Variants in CLEC16A observed in about 807,000 individuals in gnomAD.
CLEC16A encodes the protein protein CLEC16A.
In CLEC16A, 51 loss-of-function variants were observed where a neutral mutation model predicts 109.5. That is an observed-to-expected ratio of 0.47 (90% CI 0.37 to 0.59). The LOEUF (loss-of-function observed/expected upper bound fraction) is 0.59, where lower values mean the gene tolerates loss of function less well. Among genes scored for constraint, CLEC16A ranks in the 20% least tolerant of loss-of-function variants. CLEC16A has a pLI of 0.00. For missense variants in CLEC16A, 1,339 were observed against 1,394.0 expected, an observed-to-expected ratio of 0.96 and a Z score of 0.63; for synonymous variants, 673 against 564.2, an observed-to-expected ratio of 1.19 and a Z score of -2.73.
chr16:11,087,128 C>G (rs2050054536), intron 19 of CLEC16A, among the ~76,000 whole-genome samples: 1 of 152,266 alleles, frequency 6.6e-6, no homozygotes, highest in Non-Finnish European at 1.5e-5. Flanking sequence ...CTCACAACAT[C>G]TGAAGCTAAA....
At chr16:11,112,541 T>C (rs2051669571) in intron 19 of CLEC16A, among the ~76,000 whole-genome samples, 1 of 149,952 alleles carries the variant, frequency 6.7e-6, no homozygotes, top group Non-Finnish European at 1.5e-5. Flanking sequence ...ATGGCACACC[T>C]GTAGTCCTAG....
chr16:10,986,422 A>G (rs2043659915), intron 10 of CLEC16A, among the ~76,000 whole-genome samples: 1 of 152,296 alleles, frequency 6.6e-6, no homozygotes, highest in South Asian at 2.1e-4. Flanking sequence ...TAGGCACAGC[A>G]TCATTCAGCA....
At chr16:11,007,459 C>A (rs2045097333) in intron 11 of CLEC16A, among the ~76,000 whole-genome samples, 1 of 152,192 alleles carries the variant, frequency 6.6e-6, no homozygotes, top group African/African-American at 2.4e-5. Context: ...GAGTTGAGAT[C>A]TGAATCCCAG....
In CLEC16A at chr16:11,021,368, C is replaced by G. The variant is rs138392415; in HGVS notation, c.1436+1043C>G. 1.4e-3 allele frequency among the ~76,000 whole-genome samples: 217 copies of G among 152,332 alleles called. 3 individuals are homozygous for G. The highest frequency in any genetic ancestry group is 5.0e-3 in the African/African-American group (207 of 41,576). The stretch of plus-strand genomic sequence containing the variant: ...AGCAAAAAATGTAACTCCCAAAGCT[C>G]TGAAAAATAAGTAATTCTAAACACA... On this transcript the variant is annotated intron_variant, in intron 12 of 23. Coordinates refer to ENST00000409790, the MANE Select transcript of CLEC16A (RefSeq NM_015226.3).
At chr16:11,123,599 T>C in intron 20 of CLEC16A, 143 bp from the exon 21 acceptor site, 1 of 765,518 alleles carries the variant, frequency 1.3e-6, no homozygotes, top group South Asian at 1.7e-5. Context: ...ATGACTCTGT[T>C]GGACTTGGGA....
At chr16:11,065,425 C>G (rs1265783870) in intron 19 of CLEC16A, among the ~76,000 whole-genome samples, 1 of 152,324 alleles carries the variant, frequency 6.6e-6, no homozygotes, top group Non-Finnish European at 1.5e-5. Context: ...AAAATCAATT[C>G]GTGAAGCCCA....
intron 22 of CLEC16A, among the ~76,000 whole-genome samples, chr16:11,163,049 C>T (rs2054781035): frequency 6.6e-6 from 1 of 152,226 alleles, no homozygotes; most frequent in Non-Finnish European, 1.5e-5. Context: ...TCTGGCTTGT[C>T]TGTGTGTTTG....
intron 22 of CLEC16A, among the ~76,000 whole-genome samples, chr16:11,144,028 A>T: frequency 6.6e-6 from 1 of 152,196 alleles, no homozygotes; most frequent in Non-Finnish European, 1.5e-5. Context: ...CCATTGGAGG[A>T]TAATTCTAAG....
At chr16:11,050,429 G>T (rs1339975955) in intron 17 of CLEC16A, among the ~76,000 whole-genome samples, 1 of 152,212 alleles carries the variant, frequency 6.6e-6, no homozygotes, top group Non-Finnish European at 1.5e-5. Context: ...GGGGAAAGTG[G>T]TATGTTTGAA....
chr16:10,949,011 C>T (rs1441233624), intron 1 of CLEC16A, among the ~76,000 whole-genome samples: 1 of 152,174 alleles, frequency 6.6e-6, no homozygotes, highest in East Asian at 1.9e-4. Context: ...ATCTGATTGG[C>T]CATTCCTCAC....
chr16:10,962,537 C>T lies in CLEC16A; in HGVS notation c.292C>T (p.Leu98=), dbSNP rs142663630. The change falls in exon 3 of 24, where the codon CTG becomes TTG. Residue 98 remains leucine, a synonymous_variant. Coordinates refer to ENST00000409790, the MANE Select transcript of CLEC16A (RefSeq NM_015226.3). Reference sequence around the variant, plus strand: ...GGGCCGTTACGTGTGCGTTCAGCTGCTGCAGACCTTGAACATCCTCTTTGA... The same window carrying T: ...GGGCCGTTACGTGTGCGTTCAGCTGTTGCAGACCTTGAACATCCTCTTTGA... ...KSGRYVCVQL[L]QTLNILFENI... The T allele has an allele frequency of 8.7e-6, 14 of 1,613,936 alleles. No individual in the cohort carries two copies. The African/African-American group carries it at 1.1e-4, about 12-fold the overall frequency.
chr16:10,950,823 G>A (rs967682752), intron 1 of CLEC16A, among the ~76,000 whole-genome samples: 4 of 152,120 alleles, frequency 2.6e-5, no homozygotes, highest in Non-Finnish European at 5.9e-5. Context: ...TGGACATTGG[G>A]GGGTAAATTT....
intron 22 of CLEC16A, among the ~76,000 whole-genome samples, chr16:11,165,718 T>G (rs2068232714): frequency 1.3e-5 from 2 of 152,126 alleles, no homozygotes; most frequent in African/African-American, 2.4e-5. Context: ...GTCTCCAAGA[T>G]GAGGGGCTCG....
At chr16:11,176,433 A>T (rs1302947846) in intron 23 of CLEC16A, among the ~76,000 whole-genome samples, 1 of 152,130 alleles carries the variant, frequency 6.6e-6, no homozygotes, top group Non-Finnish European at 1.5e-5. Flanking sequence ...TAAAAAAGAC[A>T]TTAGGAAGAA....
chr16:10,977,637 C>T (rs1243089284), intron 8 of CLEC16A, among the ~76,000 whole-genome samples: 1 of 152,182 alleles, frequency 6.6e-6, no homozygotes, highest in Non-Finnish European at 1.5e-5. Context: ...CCTCAGCCTC[C>T]CGAGTAGCTG....
chr16:11,142,956 G>A (rs1040513692), intron 22 of CLEC16A, among the ~76,000 whole-genome samples: 42 of 152,232 alleles, frequency 2.8e-4, no homozygotes, highest in Non-Finnish European at 3.8e-4. Context: ...GATTACAGGC[G>A]CCTGCCACCA....
In CLEC16A at chr16:11,054,393, A is replaced by G. The variant is rs549736391; in HGVS notation, c.1995+2752A>G. The stretch of plus-strand genomic sequence containing the variant: ...GGCAGCAAGCCAATGGCAGGTCTCG[A>G]TGATAGTCTTTTTGCCCCTCACATG... On this transcript the variant is annotated intron_variant, in intron 18 of 23. Transcript: ENST00000409790. 3.3e-5 allele frequency among the ~76,000 whole-genome samples: 5 copies of G among 152,328 alleles called. No homozygotes were observed. The South Asian group carries it at 8.3e-4, about 25-fold the overall frequency.
At chr16:11,112,936 G>T (rs183577618) in intron 19 of CLEC16A, among the ~76,000 whole-genome samples, 3 of 152,236 alleles carry the variant, frequency 2.0e-5, no homozygotes, top group Admixed American at 2.0e-4. Context: ...TTCCACCTGG[G>T]CCCTGAACTC....
rs555549645 is a variant in CLEC16A at position 11,012,986 on chromosome 16, G to A, written c.1304-7207G>A. 1.4e-4 allele frequency among the ~76,000 whole-genome samples: 21 copies of A among 152,230 alleles called. No homozygotes were observed. In the South Asian group the frequency reaches 4.2e-3, roughly 30 times the overall value. On this transcript the variant is annotated intron_variant, in intron 11 of 23. Coordinates refer to ENST00000409790, the MANE Select transcript of CLEC16A (RefSeq NM_015226.3). Reference sequence around the variant, plus strand: ...CAGGTGGGAGCCAACTCTGGACAGGGCACCATCCTGTCACAGGACAAACTC... The same window carrying A: ...CAGGTGGGAGCCAACTCTGGACAGGACACCATCCTGTCACAGGACAAACTC...
Sources: gnomAD v4.1 joint callset for allele counts (sites outside exome capture counted in the v4.1 genomes callset) on GRCh38, gnomAD v4.1.1 for gene constraint, MANE v1.5 for transcripts, NCBI Gene and HGNC (gene_info 2026-07-23, HGNC 2026-07-21) for gene names.